Variants in RASGRP1 observed in about 807,000 individuals in gnomAD.
RASGRP1 encodes RAS guanyl-releasing protein 1.
A neutral mutation model predicts 95.1 loss-of-function variants in RASGRP1; 37 were observed. That is an observed-to-expected ratio of 0.39 (90% CI 0.30 to 0.51). The LOEUF is 0.51. Ranked by LOEUF, RASGRP1 falls within the 20% of genes least tolerant of loss-of-function variation. The probability of loss-of-function intolerance (pLI) is 0.80; values close to 1 mark genes in which losing one functional copy is unlikely to be tolerated. For synonymous variants in RASGRP1, 325 were observed against 353.4 expected (o/e 0.92, Z 0.90); for missense variants, 711 against 965.4 (o/e 0.74, Z 3.49).
chr15:38,542,066 T>C (rs565339604), intron 2 of RASGRP1, among the ~76,000 whole-genome samples: 1 of 152,094 alleles, frequency 6.6e-6, no homozygotes, highest in African/African-American at 2.4e-5. Context: ...ACCCATTAGG[T>C]GCCTATAATC....
chr15:38,540,147 T>G (rs1348909097), intron 2 of RASGRP1, among the ~76,000 whole-genome samples: 5 of 152,076 alleles, frequency 3.3e-5, no homozygotes, highest in Non-Finnish European at 7.4e-5. Flanking sequence ...AGGCTGGTCT[T>G]GAACTCCTGG....
intron 3 of RASGRP1, among the ~76,000 whole-genome samples, chr15:38,520,500 T>C (rs1891960197): frequency 6.6e-6 from 1 of 152,230 alleles, no homozygotes; most frequent in Non-Finnish European, 1.5e-5. Flanking sequence ...ATGCTTGTAA[T>C]GTTTAAAAGC....
At chr15:38,535,553 C>T (rs915474032) in intron 2 of RASGRP1, among the ~76,000 whole-genome samples, 3 of 152,170 alleles carry the variant, frequency 2.0e-5, no homozygotes, top group Non-Finnish European at 4.4e-5. Context: ...TGAAAATTCA[C>T]GTCCCCTAAG....
chr15:38,560,011 G>T lies in RASGRP1; in HGVS notation c.36-6C>A. 1.9e-6 allele frequency: 3 copies of T among 1,608,246 alleles called. No individual in the cohort carries two copies. The highest frequency in any genetic ancestry group is 2.5e-6 in the Non-Finnish European group (3 of 1,176,556). ...TGCAGCCATGGGAAGGTTTCCTGGG[G>T]AAAGAGAGAAGGCAGTGAGGGGACA... On this transcript the variant is annotated splice_polypyrimidine_tract_variant and splice_region_variant and intron_variant, in intron 1 of 16. Coordinates refer to ENST00000310803, the MANE Select transcript of RASGRP1 (RefSeq NM_005739.4).
At chr15:38,525,905 C>T (rs1892200735) in intron 3 of RASGRP1, among the ~76,000 whole-genome samples, 2 of 152,076 alleles carry the variant, frequency 1.3e-5, no homozygotes, top group South Asian at 4.1e-4. Flanking sequence ...TTCTTCAGAA[C>T]CTGGAGAAAG....
intron 5 of RASGRP1, among the ~76,000 whole-genome samples, chr15:38,516,642 T>C (rs1225092013): frequency 6.6e-6 from 1 of 151,884 alleles, no homozygotes; most frequent in East Asian, 1.9e-4. Context: ...ATCGGTCAGT[T>C]TCCTTGCCTT....
At position 38,490,471 on chromosome 15, in the gene RASGRP1, T is replaced by C; in HGVS notation, c.*83A>G. The stretch of plus-strand genomic sequence containing the variant: ...AGTACTGTTTTAAAGCTGGTCAGTG[T>C]AAAGTTCCTCAGGTCTGTGCATTAC... On this transcript the variant is annotated 3_prime_UTR_variant, in exon 17 of 17. Transcript: ENST00000310803. 5 of 1,416,012 alleles carry C rather than the reference T, an allele frequency of 3.5e-6. No individual in the cohort carries two copies. The South Asian group carries it at 7.8e-5, about 22-fold the overall frequency. 87.7% of individuals were successfully genotyped at this position (1,416,012 alleles called of 1,614,324 possible). A position where few individuals can be genotyped will look rare whatever the true frequency, so the allele number is the denominator to read the frequency against.
chr15:38,539,547 C>T (rs1165143732), intron 2 of RASGRP1, among the ~76,000 whole-genome samples: 3 of 73,920 alleles, frequency 4.1e-5, no homozygotes, highest in African/African-American at 2.9e-4. Flanking sequence ...CCTGCATTGC[C>T]GTTTTTTTTT....
In RASGRP1 at chr15:38,489,405, G is replaced by C. The variant is rs774119560; in HGVS notation, c.*1149C>G. 1.3e-5 allele frequency: 2 copies of C among 152,074 alleles called. No homozygotes were observed. The highest frequency in any genetic ancestry group is 2.9e-5 in the Non-Finnish European group (2 of 67,906). The allele number at this position is 152,074 out of a possible 1,614,324, so 9.4% of individuals were successfully genotyped here. On this transcript the variant is annotated 3_prime_UTR_variant, in exon 17 of 17. Transcript: ENST00000310803. The stretch of plus-strand genomic sequence containing the variant: ...TTGCCAAACAATACAATTTTACCTT[G>C]TGAGCAATTTAATCTTGTGACAAAC...
chr15:38,525,880 T>G (rs984830687), intron 3 of RASGRP1, among the ~76,000 whole-genome samples: 2 of 152,152 alleles, frequency 1.3e-5, no homozygotes, highest in African/African-American at 2.4e-5. Flanking sequence ...CCAGATGCTG[T>G]GGCACTGGGA....
rs189553750 is a variant in RASGRP1 at position 38,513,845 on chromosome 15, T to C, written c.676-889A>G. Among the ~76,000 whole-genome samples, 781 of 152,294 alleles carry C rather than the reference T, an allele frequency of 5.1e-3. 2 individuals carry two copies. Among genetic ancestry groups the C allele is most frequent in the Non-Finnish European group, 6.5e-3 (444 of 68,016 alleles). On this transcript the variant is annotated intron_variant, in intron 6 of 16. Coordinates refer to ENST00000310803, the MANE Select transcript of RASGRP1 (RefSeq NM_005739.4). ...CTCTTCCCTTCTCAACTCTTCCCTT[T>C]GAAAGAAGGTGTGACCATATGACAT... is the stretch of plus-strand genomic sequence containing the variant.
chr15:38,529,849 C>A (rs547720945), intron 2 of RASGRP1, among the ~76,000 whole-genome samples: 43 of 152,188 alleles, frequency 2.8e-4, no homozygotes, highest in Non-Finnish European at 5.4e-4. Flanking sequence ...GTAATATACA[C>A]ATTTATCTTC....
chr15:38,549,256 T>A (rs1056957058), intron 2 of RASGRP1, among the ~76,000 whole-genome samples: 1 of 152,058 alleles, frequency 6.6e-6, no homozygotes, highest in Admixed American at 6.5e-5. Context: ...GGGCAGAGAG[T>A]GTGAAAAATC....
At chr15:38,513,950 G>A (rs918355023) in intron 6 of RASGRP1, among the ~76,000 whole-genome samples, 1 of 152,210 alleles carries the variant, frequency 6.6e-6, no homozygotes. Flanking sequence ...GGTCTGCCAT[G>A]TTGCCTTCCT....
At chr15:38,514,249 G>A (rs1260540564) in intron 6 of RASGRP1, among the ~76,000 whole-genome samples, 2 of 152,102 alleles carry the variant, frequency 1.3e-5, no homozygotes, top group Admixed American at 1.3e-4. Context: ...CTATATGGCT[G>A]CTGATGGGTG....
chr15:38,559,169 C>T (rs1034601277), intron 2 of RASGRP1, among the ~76,000 whole-genome samples: 1 of 152,210 alleles, frequency 6.6e-6, no homozygotes, highest in African/African-American at 2.4e-5. Flanking sequence ...ACGCTTATAA[C>T]ATTTTAAAAA....
chr15:38,521,488 G>A (rs1891998590), intron 3 of RASGRP1, among the ~76,000 whole-genome samples: 1 of 152,154 alleles, frequency 6.6e-6, no homozygotes, highest in African/African-American at 2.4e-5. Context: ...CGTGAGTGCT[G>A]AGCCTGGGCA....
At chr15:38,543,128 A>G (rs1892970442) in intron 2 of RASGRP1, among the ~76,000 whole-genome samples, 1 of 151,580 alleles carries the variant, frequency 6.6e-6, no homozygotes, top group Admixed American at 6.6e-5. Flanking sequence ...ATTGTCCTAA[A>G]TTTCCTTCTA....
chr15:38,505,810 A>C, intron 10 of RASGRP1, 30 bp downstream of exon 10: 1 of 1,518,866 alleles, frequency 6.6e-7, no homozygotes, highest in South Asian at 1.1e-5. Flanking sequence ...AGCACCTGTT[A>C]CATGTGGAGT....
Sources: allele counts gnomAD v4.1 joint callset (sites outside exome capture counted in the v4.1 genomes callset), GRCh38; gene constraint gnomAD v4.1.1; transcripts MANE v1.5; gene names NCBI Gene and HGNC (gene_info 2026-07-23, HGNC 2026-07-21).